MECOM: variants seen among roughly 807,000 people sequenced by gnomAD.
The protein encoded by MECOM is histone-lysine N-methyltransferase MECOM.
In MECOM, 13 loss-of-function variants were observed where a neutral mutation model predicts 116.3. That is an observed-to-expected ratio of 0.11 (90% CI 0.07 to 0.18). The LOEUF is 0.18. Among genes scored for constraint, MECOM ranks in the 10% least tolerant of loss-of-function variants. The pLI, the probability that MECOM is intolerant of heterozygous loss-of-function variation, is 1.00. For missense variants in MECOM, 1,299 were observed against 1,509.0 expected, an observed-to-expected ratio of 0.86 and a Z score of 2.31; for synonymous variants, 528 against 535.2, an observed-to-expected ratio of 0.99 and a Z score of 0.19.
intron 14 of MECOM, among the ~76,000 whole-genome samples, chr3:169,091,083 CCT>C (rs541944238): frequency 1.2e-4 from 18 of 152,112 alleles, no homozygotes; most frequent in Admixed American, 1.2e-3. Context: ...AATCGCTTAA[CCT>C]CTTTTATCAA....
intron 2 of MECOM, among the ~76,000 whole-genome samples, chr3:169,379,227 A>T (rs979225632): frequency 6.6e-6 from 1 of 151,922 alleles, no homozygotes; most frequent in Non-Finnish European, 1.5e-5. Context: ...AGTTTGCCAA[A>T]ATTACAAAAA....
chr3:169,378,523 A>G lies in MECOM; in HGVS notation c.375+2664T>C, dbSNP rs1295481850. ...AAAGAAAGAAAGAAAGAAAAGAAAGAAAGAAAGAAAGAAAGAAAGAAAGAA... is the reference window on the plus strand; with the variant it reads ...AAAGAAAGAAAGAAAGAAAAGAAAGGAAGAAAGAAAGAAAGAAAGAAAGAA... On this transcript the variant is annotated intron_variant, in intron 2 of 16. Coordinates refer to ENST00000651503, the MANE Select transcript of MECOM (RefSeq NM_004991.4). Among the ~76,000 whole-genome samples the G allele has an allele frequency of 1.9e-4, 5 of 25,720 alleles. 1 individual carries two copies. The highest frequency in any genetic ancestry group is 2.9e-4 in the African/African-American group (2 of 6,782). 16.9% of individuals were successfully genotyped at this position (25,720 alleles called of 152,430 possible).
intron 1 of MECOM, among the ~76,000 whole-genome samples, chr3:169,388,401 T>C (rs148254811): frequency 6.6e-6 from 1 of 152,182 alleles, no homozygotes; most frequent in East Asian, 1.9e-4. Context: ...GGAGCTCAAC[T>C]AATGCCAGAT....
chr3:169,501,293 C>T (rs1754490925), intron 1 of MECOM, among the ~76,000 whole-genome samples: 1 of 151,908 alleles, frequency 6.6e-6, no homozygotes, highest in African/African-American at 2.4e-5. Flanking sequence ...ATCCCATTTC[C>T]TATATCTCAT....
intron 2 of MECOM, among the ~76,000 whole-genome samples, chr3:169,250,427 G>T (rs901436650): frequency 1.3e-5 from 2 of 152,282 alleles, no homozygotes; most frequent in African/African-American, 4.8e-5. Flanking sequence ...CATACCAAGT[G>T]AAGACCTTTA....
chr3:169,325,678 A>G (rs1288733561), intron 2 of MECOM, among the ~76,000 whole-genome samples: 1 of 152,194 alleles, frequency 6.6e-6, no homozygotes, highest in African/African-American at 2.4e-5. Context: ...AATGGCCTTT[A>G]TTTCCTTTCT....
chr3:169,544,886 G>C (rs1479572600), intron 1 of MECOM, among the ~76,000 whole-genome samples: 1 of 152,120 alleles, frequency 6.6e-6, no homozygotes, highest in East Asian at 1.9e-4. Context: ...GGTGGGCAAG[G>C]GGAGGAAGAG....
In MECOM at chr3:169,089,165, A is replaced by G. The variant is rs143483858; in HGVS notation, c.3420T>C (p.Tyr1140=). The stretch of plus-strand genomic sequence containing the variant: ...GATCTAGAGCAGAAAGTCCACTTTT[A>G]TATTCTTCCTCTTTATACCTAAAAT... ...TSPVRYKEEE[Y]KSGLSALDHI... Residue 1140 remains tyrosine, a synonymous_variant, in exon 16 of 17, where the codon TAT becomes TAC. Transcript: ENST00000651503. The G allele has an allele frequency of 9.1e-6, 14 of 1,545,676 alleles. 1 individual carries two copies. Among genetic ancestry groups the G allele is most frequent in the South Asian group, 2.5e-5 (2 of 79,468 alleles).
rs1458462971 is a variant in MECOM at position 169,169,791 on chromosome 3, A to G, written c.376-25959T>C. Among the ~76,000 whole-genome samples the G allele has an allele frequency of 2.6e-5, 4 of 150,988 alleles. No individual in the cohort carries two copies. In the East Asian group the frequency reaches 7.8e-4, roughly 29 times the overall value. Reference sequence around the variant, plus strand: ...AATAAACAGAGAGGGTCAGCAAGATACTCTGTTCTATTCAATTCTATATGA... The same window carrying G: ...AATAAACAGAGAGGGTCAGCAAGATGCTCTGTTCTATTCAATTCTATATGA... On this transcript the variant is annotated intron_variant, in intron 2 of 16. Coordinates refer to ENST00000651503, the MANE Select transcript of MECOM (RefSeq NM_004991.4).
chr3:169,501,972 TAAC>T (rs1052548587), intron 1 of MECOM, among the ~76,000 whole-genome samples: 1 of 152,112 alleles, frequency 6.6e-6, no homozygotes, highest in Non-Finnish European at 1.5e-5. Flanking sequence ...AAATAACTGA[TAAC>T]AATAATGCTA....
At chr3:169,141,041 G>T (rs1737951887) in intron 3 of MECOM, among the ~76,000 whole-genome samples, 1 of 151,830 alleles carries the variant, frequency 6.6e-6, no homozygotes, top group African/African-American at 2.4e-5. Flanking sequence ...GATCTGAATT[G>T]ATTAAACTTG....
chr3:169,468,253 C>T (rs929544412), intron 1 of MECOM, among the ~76,000 whole-genome samples: 10 of 152,058 alleles, frequency 6.6e-5, no homozygotes, highest in Admixed American at 6.6e-4. Flanking sequence ...CCCCAGATAA[C>T]TCCTGCCCCT....
intron 1 of MECOM, among the ~76,000 whole-genome samples, chr3:169,599,059 T>A (rs1405973156): frequency 6.6e-6 from 1 of 152,214 alleles, no homozygotes; most frequent in East Asian, 1.9e-4. Flanking sequence ...ACATATTCAT[T>A]CATACCACTC....
intron 16 of MECOM, 60 bp from the exon 17 acceptor site, chr3:169,085,103 A>G: frequency 6.2e-7 from 1 of 1,602,162 alleles, no homozygotes; most frequent in South Asian, 1.1e-5. Flanking sequence ...CTTTTAGTTC[A>G]AAGAATATTG....
chr3:169,610,492 A>ATGTT, intron 1 of MECOM, among the ~76,000 whole-genome samples: 1 of 137,216 alleles, frequency 7.3e-6, no homozygotes, highest in East Asian at 2.1e-4. Flanking sequence ...TATATATGTA[A>ATGTT]TGTTACGTGT....
chr3:169,647,432 A>G (rs1462443900), intron 1 of MECOM, among the ~76,000 whole-genome samples: 7 of 152,228 alleles, frequency 4.6e-5, no homozygotes, highest in Non-Finnish European at 1.5e-5. Flanking sequence ...CAGAGAAGTA[A>G]ATAGCTGGCC....
chr3:169,095,785 G>A (rs766762003), intron 12 of MECOM, among the ~76,000 whole-genome samples: 1 of 151,962 alleles, frequency 6.6e-6, no homozygotes, highest in Non-Finnish European at 1.5e-5. Flanking sequence ...AAATAATTTA[G>A]TCTGATACCC....
chr3:169,560,825 A>G (rs909287815), intron 1 of MECOM, among the ~76,000 whole-genome samples: 1 of 152,106 alleles, frequency 6.6e-6, no homozygotes, highest in African/African-American at 2.4e-5. Flanking sequence ...GCCTAAATGA[A>G]TCAATGTTTT....
In MECOM at chr3:169,337,753, C is replaced by T. The variant is rs115540889; in HGVS notation, c.375+43434G>A. 8.6e-3 allele frequency among the ~76,000 whole-genome samples: 1,309 copies of T among 152,294 alleles called. 18 individuals are homozygous for T. The highest frequency in any genetic ancestry group is 0.03 in the African/African-American group (1,234 of 41,548). On this transcript the variant is annotated intron_variant, in intron 2 of 16. Coordinates refer to ENST00000651503, the MANE Select transcript of MECOM (RefSeq NM_004991.4). ...TCCTTATAAAAGGGCATTGTTAAAACATGACATTGCCCCCTGCTTGACCTC... is the reference window on the plus strand; with the variant it reads ...TCCTTATAAAAGGGCATTGTTAAAATATGACATTGCCCCCTGCTTGACCTC...
Sources: gnomAD v4.1 joint callset for allele counts (sites outside exome capture counted in the v4.1 genomes callset) on GRCh38, gnomAD v4.1.1 for gene constraint, MANE v1.5 for transcripts, NCBI Gene and HGNC (gene_info 2026-07-23, HGNC 2026-07-21) for gene names.